KLHDC4: variants seen among roughly 807,000 people sequenced by gnomAD.
KLHDC4 encodes kelch domain-containing protein 4.
A neutral mutation model predicts 62.4 loss-of-function variants in KLHDC4; 90 were observed. That is an observed-to-expected ratio of 1.44 (90% CI 1.22 to 1.72). The LOEUF (loss-of-function observed/expected upper bound fraction) is 1.72, where lower values mean the gene tolerates loss of function less well. Among genes scored for constraint, KLHDC4 ranks in the 40% most tolerant of loss-of-function variants. The pLI is 0.00. For missense variants in KLHDC4, 1,025 were observed against 699.7 expected (o/e 1.47, Z -5.25); for synonymous variants, 386 against 284.4 (o/e 1.36, Z -3.59).
intron 5 of KLHDC4, among the ~76,000 whole-genome samples, 196 bp downstream of exon 5, chr16:87,748,477 C>A (rs563172072): frequency 2.0e-5 from 3 of 152,286 alleles, no homozygotes; most frequent in Admixed American, 2.0e-4. Context: ...TGGCACCCCC[C>A]ACACCCGGCC....
At chr16:87,746,529 G>A (rs969663125) in intron 5 of KLHDC4, among the ~76,000 whole-genome samples, 5 of 152,112 alleles carry the variant, frequency 3.3e-5, no homozygotes, top group South Asian at 2.1e-4. Flanking sequence ...GGTGACCTGC[G>A]GAACCACACC....
intron 4 of KLHDC4, among the ~76,000 whole-genome samples, chr16:87,752,641 A>G (rs895802182): frequency 6.6e-6 from 1 of 152,042 alleles, no homozygotes. Flanking sequence ...AGCCCACAGC[A>G]CTGTTTCAAC....
upstream of KLHDC4, among the ~76,000 whole-genome samples, chr16:87,702,745 G>C (rs548891670): frequency 6.6e-6 from 1 of 152,352 alleles, no homozygotes; most frequent in East Asian, 1.9e-4. Flanking sequence ...TGTGAACTCG[G>C]ACAGGAAACA....
At chr16:87,765,630 G>T (rs1446386942) in intron 1 of KLHDC4, among the ~76,000 whole-genome samples, 162 bp downstream of exon 1, 1 of 152,106 alleles carries the variant, frequency 6.6e-6, no homozygotes, top group African/African-American at 2.4e-5. Flanking sequence ...GCCCCGTCTG[G>T]GCTGCCCGGA....
intron 1 of KLHDC4, chr16:87,765,058 G>C (rs1364464761): frequency 2.2e-6 from 1 of 453,568 alleles, no homozygotes; most frequent in Admixed American, 2.4e-5. Flanking sequence ...CAGTGCTACG[G>C]AACTGACCTG....
At chr16:87,765,123 C>G (rs1332839809) in intron 1 of KLHDC4, 3 of 455,938 alleles carry the variant, frequency 6.6e-6, no homozygotes, top group African/African-American at 6.0e-5. Flanking sequence ...GGCCATAAAA[C>G]TGGCCCCGGT....
intron 5 of KLHDC4, among the ~76,000 whole-genome samples, chr16:87,747,083 G>C (rs572655564): frequency 9.2e-4 from 140 of 152,314 alleles, no homozygotes; most frequent in Admixed American, 1.8e-3. Flanking sequence ...TATTCCCTTG[G>C]AACAGATACC....
At chr16:87,759,807 T>C (rs1468434886) in intron 2 of KLHDC4, among the ~76,000 whole-genome samples, 1 of 152,124 alleles carries the variant, frequency 6.6e-6, no homozygotes, top group Non-Finnish European at 1.5e-5. Context: ...TGAATACCTA[T>C]TGATTTTCTG....
intron 5 of KLHDC4, among the ~76,000 whole-genome samples, chr16:87,744,393 C>A (rs913393030): frequency 6.8e-5 from 10 of 146,972 alleles, no homozygotes; most frequent in Non-Finnish European, 1.2e-4. Context: ...CCAGCCTGGG[C>A]GACGAGAATG....
intron 2 of KLHDC4, chr16:87,757,260 G>A (rs2045105111): frequency 6.6e-6 from 1 of 151,284 alleles, no homozygotes; most frequent in Non-Finnish European, 1.5e-5. Flanking sequence ...ACGAGGTGAA[G>A]AGATCGAGAC....
Position 87,744,185 on chromosome 16 carries a change from G to C in KLHDC4, c.506+4488C>G, listed in dbSNP as rs142423919. On this transcript the variant is annotated intron_variant, in intron 5 of 11. Transcript: ENST00000270583. ...AATCCCAGCACTTTGTGAGACCGAG[G>C]TGGGGGGATCACCTGAGGTCAGGAG... is the stretch of plus-strand genomic sequence containing the variant. Among the ~76,000 whole-genome samples the C allele has an allele frequency of 3.4e-3, 518 of 152,234 alleles. 10 individuals are homozygous for C. The highest frequency in any genetic ancestry group is 8.4e-4 in the Non-Finnish European group (57 of 68,018).
At chr16:87,739,836 G>GT (rs2041978301) in intron 5 of KLHDC4, 1 of 152,302 alleles carries the variant, frequency 6.6e-6, no homozygotes, top group Non-Finnish European at 1.5e-5. Flanking sequence ...ACCGGGGACG[G>GT]TGGGGTGTCT....
At chr16:87,701,386 C>G in exon 1 of KLHDC4, 1 of 321,148 alleles carries the variant, frequency 3.1e-6, no homozygotes, top group Admixed American at 3.9e-5. Context: ...AAGCTTCAGC[C>G]CACCCATTAG....
At chr16:87,702,451 G>A (rs1474032646) in exon 1 of KLHDC4, 1 of 363,658 alleles carries the variant, frequency 2.7e-6, no homozygotes, top group African/African-American at 2.1e-5. Flanking sequence ...GGCCTCTGGG[G>A]AGCCCGCGTC....
chr16:87,735,557 A>AGG lies in KLHDC4; in HGVS notation c.507-4914_507-4913insCC, dbSNP rs1439362734. Among the ~76,000 whole-genome samples, 14 of 152,322 alleles carry AGG rather than the reference A, an allele frequency of 9.2e-5. No individual in the cohort carries two copies. In the East Asian group the frequency reaches 2.7e-3, roughly 29 times the overall value. On this transcript the variant is annotated intron_variant, in intron 5 of 11. Coordinates refer to ENST00000270583, the MANE Select transcript of KLHDC4 (RefSeq NM_017566.4). The stretch of plus-strand genomic sequence containing the variant: ...TCTGGCTGACACAACGGACTCAATT[A>AGG]ACTTTTTGTGGCAGTAGCCAAATAT...
At chr16:87,701,357 G>A in exon 1 of KLHDC4, 1 of 314,802 alleles carries the variant, frequency 3.2e-6, no homozygotes, top group South Asian at 2.8e-5. Flanking sequence ...ACTGTGGAGA[G>A]AAGCTGAATG....
At chr16:87,739,597 C>A (rs898059185) in intron 5 of KLHDC4, among the ~76,000 whole-genome samples, 92 of 145,104 alleles carry the variant, frequency 6.3e-4, no homozygotes, top group African/African-American at 2.2e-3. Context: ...CACACCAGCA[C>A]GTCATCCATC....
intron 2 of KLHDC4, among the ~76,000 whole-genome samples, chr16:87,760,456 A>C (rs2045694494): frequency 6.6e-6 from 1 of 151,458 alleles, no homozygotes; most frequent in South Asian, 2.1e-4. Context: ...AAACACAAAA[A>C]ATTAGCCAGG....
chr16:87,737,170 A>G lies in KLHDC4; in HGVS notation c.507-6526T>C, dbSNP rs551138371. Among the ~76,000 whole-genome samples the G allele has an allele frequency of 3.3e-5, 5 of 151,860 alleles. No homozygotes were observed. The South Asian group carries it at 6.3e-4, about 19-fold the overall frequency. Reference sequence around the variant, plus strand: ...ACTAACAAGTCAGGATACCCAGGAAAGCAGTCAGTGGCACAGCCAGAATTT... The same window carrying G: ...ACTAACAAGTCAGGATACCCAGGAAGGCAGTCAGTGGCACAGCCAGAATTT... On this transcript the variant is annotated intron_variant, in intron 5 of 11. Coordinates refer to ENST00000270583, the MANE Select transcript of KLHDC4 (RefSeq NM_017566.4).
Sources: gnomAD v4.1 joint callset for allele counts (sites outside exome capture counted in the v4.1 genomes callset) on GRCh38, gnomAD v4.1.1 for gene constraint, MANE v1.5 for transcripts, NCBI Gene and HGNC (gene_info 2026-07-23, HGNC 2026-07-21) for gene names.